VWA3A: variants seen among roughly 807,000 people sequenced by gnomAD.
VWA3A encodes the protein von Willebrand factor A domain-containing protein 3A.
VWA3A carries 134 observed loss-of-function variants against 160.4 expected under a neutral mutation model. That is an observed-to-expected ratio of 0.84 (90% CI 0.73 to 0.96). The LOEUF (loss-of-function observed/expected upper bound fraction) is 0.96. VWA3A is among the 40% of genes least tolerant of loss of function. The probability of loss-of-function intolerance (pLI) is 0.00; values close to 1 mark genes in which losing one functional copy is unlikely to be tolerated. For synonymous variants in VWA3A, 476 were observed against 543.4 expected (o/e 0.88, Z 1.72); for missense variants, 1,310 against 1,447.9 (o/e 0.90, Z 1.55).
intron 3 of VWA3A, 133 bp downstream of exon 3, chr16:22,097,828 C>G: frequency 1.7e-6 from 2 of 1,205,226 alleles, no homozygotes; most frequent in Non-Finnish European, 2.3e-6. Flanking sequence ...AAGCATTTAT[C>G]TCTAATCCTC....
rs574838416 is a variant in VWA3A, at chr16:22,136,529, G to A, written c.2140-1831G>A. Among the ~76,000 whole-genome samples, 3 of 152,186 alleles carry A rather than the reference G, an allele frequency of 2.0e-5. No individual in the cohort carries two copies. In the South Asian group the frequency reaches 6.2e-4, roughly 32 times the overall value. Reference sequence around the variant, plus strand: ...GGGCACTTAGCAAGGCTGTGGTCGAGGCAGTGGAGTGGAGGAGCCTGTGAA... The same window carrying A: ...GGGCACTTAGCAAGGCTGTGGTCGAAGCAGTGGAGTGGAGGAGCCTGTGAA... On this transcript the variant is annotated intron_variant, in intron 21 of 33. Coordinates refer to ENST00000389398, the MANE Select transcript of VWA3A (RefSeq NM_173615.5).
At chr16:22,106,894 A>G (rs1298038988) in intron 6 of VWA3A, among the ~76,000 whole-genome samples, 2 of 152,180 alleles carry the variant, frequency 1.3e-5, no homozygotes, top group African/African-American at 4.8e-5. Context: ...GAACTTGCTG[A>G]TGGATTGGAT....
At chr16:22,132,309 G>C (rs2045962200) in intron 19 of VWA3A, among the ~76,000 whole-genome samples, 1 of 151,882 alleles carries the variant, frequency 6.6e-6, no homozygotes, top group African/African-American at 2.4e-5. Flanking sequence ...CTTGAACCTG[G>C]AGGGGGAGGT....
At chr16:22,126,359 G>C in intron 17 of VWA3A, 62 bp downstream of exon 17, 1 of 1,576,970 alleles carries the variant, frequency 6.3e-7, no homozygotes, top group Non-Finnish European at 8.6e-7. Flanking sequence ...GCCGTCATTG[G>C]GCTGAGGCTT....
In VWA3A at chr16:22,148,144, C is replaced by T. The variant is rs1180119458; in HGVS notation, c.2840-18C>T. On this transcript the variant is annotated intron_variant, in intron 27 of 33. Transcript: ENST00000389398. ...CCCTCACTCCCTCCCTGCCTCTTCC[C>T]CACCTGTCTCGGAGCAGGGAGCCGC... 6.3e-7 allele frequency: 1 copy of T among 1,586,472 alleles called. No individual in the cohort carries two copies. The highest frequency in any genetic ancestry group is 8.6e-7 in the Non-Finnish European group (1 of 1,166,662).
At chr16:22,095,970 G>A (rs7196407) in intron 1 of VWA3A, among the ~76,000 whole-genome samples, 3,223 of 152,078 alleles carry the variant, frequency 0.021, 138 homozygotes, top group African/African-American at 0.073. Flanking sequence ...GAATATAAGC[G>A]CTGGGAGGAC....
intron 31 of VWA3A, 103 bp downstream of exon 31, chr16:22,152,737 T>C: frequency 6.7e-7 from 1 of 1,489,062 alleles, no homozygotes; most frequent in Non-Finnish European, 9.0e-7. Flanking sequence ...CAAGTGAACC[T>C]CCCACCTCGG....
chr16:22,147,617 G>A (rs1005304428), intron 27 of VWA3A: 3 of 703,148 alleles, frequency 4.3e-6, no homozygotes, highest in African/African-American at 3.5e-5. Context: ...CCATGGACAG[G>A]GGCGTCATGA....
intron 6 of VWA3A, 114 bp downstream of exon 6, chr16:22,103,643 A>G: frequency 7.9e-7 from 1 of 1,259,648 alleles, no homozygotes; most frequent in African/African-American, 1.5e-5. Flanking sequence ...AGCTAAAAAA[A>G]GGCATTTACT....
rs1193879527 is a variant in VWA3A at position 22,129,388 on chromosome 16, CAA to C, written c.1653-1801_1653-1800del. Among the ~76,000 whole-genome samples the C allele has an allele frequency of 2.6e-4, 26 of 99,378 alleles. No individual in the cohort carries two copies. The East Asian group carries it at 3.3e-3, about 12-fold the overall frequency. The allele number at this position is 99,378 out of a possible 152,430, so 65.2% of individuals were successfully genotyped here. A position where few individuals can be genotyped will look rare whatever the true frequency, so the allele number is the denominator to read the frequency against. On this transcript the variant is annotated intron_variant, in intron 17 of 33. Transcript: ENST00000389398. ...TGGGCGACACAGCGAGACTCCATCT[CAA>C]AAAAAAAAAAAAAAAGAAAGAAAGA... is the stretch of plus-strand genomic sequence containing the variant.
At chr16:22,123,207 AGT>A in intron 15 of VWA3A, 42 bp downstream of exon 15, 1 of 1,548,592 alleles carries the variant, frequency 6.5e-7, no homozygotes, top group Non-Finnish European at 8.8e-7. Context: ...GGGTGCAGAA[AGT>A]GGGGACGGGA....
chr16:22,103,423 G>T, intron 5 of VWA3A, 52 bp from the exon 6 acceptor site: 4 of 1,504,260 alleles, frequency 2.7e-6, no homozygotes, highest in Non-Finnish European at 3.6e-6. Flanking sequence ...AGTGGCTGTT[G>T]CTCAGTGATG....
intron 26 of VWA3A, among the ~76,000 whole-genome samples, chr16:22,145,593 C>A (rs898200212): frequency 6.6e-6 from 1 of 150,596 alleles, no homozygotes; most frequent in African/African-American, 2.4e-5. Context: ...GAGCCGAGAT[C>A]GCACCACTGC....
chr16:22,105,981 C>T (rs185014816), intron 6 of VWA3A, among the ~76,000 whole-genome samples: 5 of 152,166 alleles, frequency 3.3e-5, no homozygotes, highest in Admixed American at 2.0e-4. Context: ...GGTTCGCTGT[C>T]GGGGGAAAAA....
In VWA3A at chr16:22,156,281, C is replaced by T. The variant is rs1457210122; in HGVS notation, c.*264C>T. The T allele has an allele frequency of 4.8e-6, 1 of 209,234 alleles. No individual in the cohort carries two copies. The highest frequency in any genetic ancestry group is 9.5e-6 in the Non-Finnish European group (1 of 104,856). The allele number at this position is 209,234 out of a possible 1,614,324, so 13.0% of individuals were successfully genotyped here. ...CCCTCTCTGGGAAGCCCTAAACCAA[C>T]CCCCTGCCTAAATGGTGGTGCTTCT... On this transcript the variant is annotated 3_prime_UTR_variant, in exon 34 of 34. Coordinates refer to ENST00000389398, the MANE Select transcript of VWA3A (RefSeq NM_173615.5).
chr16:22,150,673 C>A, intron 29 of VWA3A, 22 bp from the exon 30 acceptor site: 1 of 1,595,112 alleles, frequency 6.3e-7, no homozygotes, highest in Non-Finnish European at 8.5e-7. Context: ...CTGAGCCTGA[C>A]AGCCTTCCTG....
intron 31 of VWA3A, among the ~76,000 whole-genome samples, chr16:22,154,846 C>G (rs1303232366): frequency 6.7e-6 from 1 of 150,082 alleles, no homozygotes; most frequent in Non-Finnish European, 1.5e-5. Context: ...CCCAGCTGCT[C>G]GGGAGGCTGA....
Position 22,140,166 on chromosome 16 carries a change from G to T in VWA3A, c.2305G>T (p.Asp769Tyr), listed in dbSNP as rs2046119499. The part of the protein sequence containing the change: ...PLGARMSIKD[D>Y]PDREKSPPLK... ...GCCTGTTTTCTAGAGCATTAAAGAT[G>T]ACCCTGACAGAGAGAAGAGCCCCCC... The change falls in exon 23 of 34, where the codon GAC (aspartate) becomes TAC (tyrosine). Residue 769 changes from aspartate to tyrosine, a missense_variant. By Grantham distance (160) the Asp-to-Tyr change is radical (BLOSUM62 -3). Coordinates refer to ENST00000389398, the MANE Select transcript of VWA3A (RefSeq NM_173615.5). The T allele has an allele frequency of 3.7e-6, 6 of 1,613,344 alleles. No homozygotes were observed. Among genetic ancestry groups the T allele is most frequent in the Admixed American group, 1.7e-5 (1 of 59,958 alleles).
At chr16:22,143,612 C>G (rs983540666) in intron 25 of VWA3A, among the ~76,000 whole-genome samples, 2 of 152,040 alleles carry the variant, frequency 1.3e-5, no homozygotes, top group Non-Finnish European at 2.9e-5. Context: ...CTCACTTCAG[C>G]AGCACATATA....
Sources: allele counts gnomAD v4.1 joint callset (sites outside exome capture counted in the v4.1 genomes callset), GRCh38; gene constraint gnomAD v4.1.1; transcripts MANE v1.5; gene names NCBI Gene and HGNC (gene_info 2026-07-23, HGNC 2026-07-21).